The following DOCK4 variants were observed in gnomAD, a reference collection of about 807,000 sequenced individuals.
DOCK4 encodes dedicator of cytokinesis protein 4.
A neutral mutation model predicts 268.1 loss-of-function variants in DOCK4; 97 were observed. The observed-to-expected ratio is 0.36, with a 90% CI of 0.31 to 0.43. The LOEUF is 0.43. DOCK4 is among the 20% of genes least tolerant of loss of function. The pLI is 1.00. For synonymous variants in DOCK4, 954 were observed against 887.2 expected, an observed-to-expected ratio of 1.08 and a Z score of -1.34; for missense variants, 2,145 against 2,455.7, an observed-to-expected ratio of 0.87 and a Z score of 2.67.
At chr7:111,796,852 GTTAGTCCCACCAC>G (rs1563517996) in intron 30 of DOCK4, among the ~76,000 whole-genome samples, 1 of 152,124 alleles carries the variant, frequency 6.6e-6, no homozygotes. Context: ...GGTAAGCGTG[GTTAGTCCCACCAC>G]TTAGTTCATC....
chr7:112,169,674 C>T (rs62475997), intron 1 of DOCK4, among the ~76,000 whole-genome samples: 4,378 of 152,254 alleles, frequency 0.029, 80 homozygotes, highest in Middle Eastern at 0.088. Flanking sequence ...CCACCTTTCT[C>T]GTGTAGCCTT....
In DOCK4 at chr7:112,086,349, T is replaced by C. The variant is rs183719371; in HGVS notation, c.38-82218A>G. Among the ~76,000 whole-genome samples the C allele has an allele frequency of 5.4e-3, 819 of 152,260 alleles. 7 individuals are homozygous for C. Among genetic ancestry groups the C allele is most frequent in the African/African-American group, 0.019 (773 of 41,562 alleles). ...AACGTCTGTGTCTGTCTGTTCTCTCTTTCTTCTCTTTATTCTTTAGAATTA... is the reference window on the plus strand; with the variant it reads ...AACGTCTGTGTCTGTCTGTTCTCTCCTTCTTCTCTTTATTCTTTAGAATTA... On this transcript the variant is annotated intron_variant, in intron 1 of 52. Coordinates refer to ENST00000428084, the MANE Select transcript of DOCK4 (RefSeq NM_001363540.2).
At chr7:111,857,517 A>G (rs1805108359) in intron 23 of DOCK4, among the ~76,000 whole-genome samples, 3 of 152,202 alleles carry the variant, frequency 2.0e-5, no homozygotes. Context: ...TACTTCTATT[A>G]TCTGTGCTGG....
rs371274232 is a variant in DOCK4, at chr7:111,922,645, G to A, written c.1067-6741C>T. ...CGCCCAGGCTGGAGTGCAGTGGTGC[G>A]ATCTTGGCTCACTGCAACCTCCACC... is the stretch of plus-strand genomic sequence containing the variant. On this transcript the variant is annotated intron_variant, in intron 12 of 52. Transcript: ENST00000428084. 2.5e-4 allele frequency among the ~76,000 whole-genome samples: 38 copies of A among 152,016 alleles called. 1 individual carries two copies. Among genetic ancestry groups the A allele is most frequent in the Admixed American group, 1.2e-3 (18 of 15,268 alleles).
intron 8 of DOCK4, among the ~76,000 whole-genome samples, chr7:111,969,541 C>G (rs1255481464): frequency 6.6e-6 from 1 of 151,772 alleles, no homozygotes; most frequent in African/African-American, 2.4e-5. Context: ...GTTTCAAATT[C>G]TCTTGAAAAT....
At chr7:111,866,301 C>A (rs1263355620) in intron 22 of DOCK4, among the ~76,000 whole-genome samples, 2 of 152,156 alleles carry the variant, frequency 1.3e-5, no homozygotes, top group East Asian at 3.9e-4. Context: ...AGAAAACTAA[C>A]CATTTTATCA....
At chr7:111,901,332 C>CAAAAA (rs398047987) in intron 14 of DOCK4, among the ~76,000 whole-genome samples, 14 of 75,230 alleles carry the variant, frequency 1.9e-4, no homozygotes, top group African/African-American at 5.3e-4. Context: ...GATTCTGTCT[C>CAAAAA]AAAAAAAAAA....
chr7:111,928,509 C>T (rs907218075), intron 12 of DOCK4, among the ~76,000 whole-genome samples: 5 of 151,396 alleles, frequency 3.3e-5, no homozygotes, highest in Admixed American at 3.3e-4. Context: ...TTTTTCTTTG[C>T]TGTCATTAGC....
intron 20 of DOCK4, among the ~76,000 whole-genome samples, chr7:111,871,660 C>T (rs904145037): frequency 1.3e-5 from 2 of 152,162 alleles, no homozygotes; most frequent in Admixed American, 6.5e-5. Flanking sequence ...TCAGGGAGTA[C>T]AGTGATGAAG....
At chr7:112,070,542 C>A (rs543003791) in intron 1 of DOCK4, among the ~76,000 whole-genome samples, 68 of 152,158 alleles carry the variant, frequency 4.5e-4, no homozygotes, top group Non-Finnish European at 8.2e-4. Flanking sequence ...TGTGGAATAA[C>A]AAGCTGACAG....
chr7:112,206,316 C>G lies in DOCK4; in HGVS notation c.-178G>C. 1 of 642,152 alleles carries G rather than the reference C, an allele frequency of 1.6e-6. No individual in the cohort carries two copies. The allele number at this position is 642,152 out of a possible 1,614,324, so 39.8% of individuals were successfully genotyped here. ...CCCGAGCCCAGCGTTGACACTGCGC[C>G]GCCCGCAGCTCTCCCGGCGGCGGCT... is the stretch of plus-strand genomic sequence containing the variant. On this transcript the variant is annotated 5_prime_UTR_variant, in exon 1 of 53. Transcript: ENST00000428084.
chr7:112,195,836 G>A (rs1484320320), intron 1 of DOCK4, among the ~76,000 whole-genome samples: 1 of 152,108 alleles, frequency 6.6e-6, no homozygotes, highest in African/African-American at 2.4e-5. Context: ...TTCACAACTT[G>A]GGAGATAAGT....
intron 1 of DOCK4, among the ~76,000 whole-genome samples, chr7:112,016,888 G>A (rs1046213438): frequency 4.6e-5 from 7 of 152,142 alleles, no homozygotes; most frequent in Non-Finnish European, 8.8e-5. Context: ...GATCTCTTTA[G>A]ATATTACTTC....
intron 12 of DOCK4, among the ~76,000 whole-genome samples, chr7:111,916,980 G>GTTT (rs749349556): frequency 0.02 from 1,669 of 83,908 alleles, 177 homozygotes; most frequent in Non-Finnish European, 0.025. Flanking sequence ...TTTCCCCCAT[G>GTTT]TTTTTTTTTT....
chr7:112,164,279 G>T (rs767456738), intron 1 of DOCK4, among the ~76,000 whole-genome samples: 1 of 150,928 alleles, frequency 6.6e-6, no homozygotes, highest in South Asian at 2.1e-4. Context: ...TCTAAAAAAA[G>T]AAAAAAGACC....
At chr7:112,162,968 C>T (rs1040485685) in intron 1 of DOCK4, among the ~76,000 whole-genome samples, 1 of 152,148 alleles carries the variant, frequency 6.6e-6, no homozygotes, top group African/African-American at 2.4e-5. Context: ...CTGTATGCAA[C>T]GTAACACTGC....
intron 51 of DOCK4, among the ~76,000 whole-genome samples, chr7:111,733,780 A>G (rs1319320025): frequency 6.6e-6 from 1 of 152,252 alleles, no homozygotes; most frequent in Non-Finnish European, 1.5e-5. Context: ...AGTTTGGCCG[A>G]TAAGTTTTAG....
intron 1 of DOCK4, among the ~76,000 whole-genome samples, chr7:112,039,375 G>C (rs1332529290): frequency 9.2e-6 from 1 of 109,228 alleles, no homozygotes; most frequent in Non-Finnish European, 2.2e-5. Flanking sequence ...ATTTCATATG[G>C]GGGGGGGGGC....
At chr7:111,755,907 T>C (rs1011057293) in intron 41 of DOCK4, among the ~76,000 whole-genome samples, 13 of 152,214 alleles carry the variant, frequency 8.5e-5, no homozygotes, top group African/African-American at 2.9e-4. Context: ...AAGATTCTAA[T>C]TCAAACTCTC....
Sources: gnomAD v4.1 joint callset for allele counts (sites outside exome capture counted in the v4.1 genomes callset) on GRCh38, gnomAD v4.1.1 for gene constraint, MANE v1.5 for transcripts, NCBI Gene and HGNC (gene_info 2026-07-23, HGNC 2026-07-21) for gene names.